Variants in FMN2 observed in about 807,000 individuals in gnomAD.
FMN2 encodes formin 2, also known as formin-2.
Under a neutral mutation model 142.3 loss-of-function variants are expected in FMN2, and 51 were observed. The ratio of observed to expected loss-of-function variants is 0.36; its 90% CI spans 0.29 to 0.45. The LOEUF (loss-of-function observed/expected upper bound fraction) is 0.45, where lower values mean the gene tolerates loss of function less well. Ranked by LOEUF, FMN2 falls within the 20% of genes least tolerant of loss-of-function variation. The probability of loss-of-function intolerance (pLI) is 1.00; values close to 1 mark genes in which losing one functional copy is unlikely to be tolerated. For synonymous variants in FMN2, 882 were observed against 869.8 expected, an observed-to-expected ratio of 1.01 and a Z score of -0.25; for missense variants, 1,936 against 2,122.8, an observed-to-expected ratio of 0.91 and a Z score of 1.73.
chr1:240,200,837 A>G (rs1666095757), intron 4 of FMN2, among the ~76,000 whole-genome samples: 1 of 152,180 alleles, frequency 6.6e-6, no homozygotes, highest in African/African-American at 2.4e-5. Flanking sequence ...ATCTGTACAA[A>G]AAAGTTCTGT....
intron 6 of FMN2, among the ~76,000 whole-genome samples, chr1:240,220,775 G>A (rs1213045035): frequency 6.6e-6 from 1 of 151,884 alleles, no homozygotes; most frequent in Non-Finnish European, 1.5e-5. Flanking sequence ...ATGCAGGTTT[G>A]TTACATAGGT....
chr1:240,307,184 A>G (rs1038325595), intron 8 of FMN2, among the ~76,000 whole-genome samples: 2 of 152,046 alleles, frequency 1.3e-5, no homozygotes, highest in Non-Finnish European at 2.9e-5. Flanking sequence ...ATTTTCTCCC[A>G]TTCTGTTGGT....
At chr1:240,120,875 A>C (rs563529507) in intron 1 of FMN2, among the ~76,000 whole-genome samples, 138 of 152,336 alleles carry the variant, frequency 9.1e-4, no homozygotes, top group South Asian at 1.5e-3. Flanking sequence ...TTAAAGAGCT[A>C]GGCCAGGCAC....
chr1:240,423,792 C>T (rs541383199), intron 15 of FMN2, among the ~76,000 whole-genome samples: 1 of 152,338 alleles, frequency 6.6e-6, no homozygotes, highest in African/African-American at 2.4e-5. Context: ...CATGTCTACC[C>T]TTCAACATAA....
At chr1:240,319,820 A>G (rs990632326) in intron 8 of FMN2, among the ~76,000 whole-genome samples, 5 of 152,154 alleles carry the variant, frequency 3.3e-5, no homozygotes, top group Non-Finnish European at 7.3e-5. Context: ...GTTGCTTAGC[A>G]CCATTCATAA....
intron 7 of FMN2, among the ~76,000 whole-genome samples, chr1:240,282,938 C>A (rs1010081649): frequency 1.3e-5 from 2 of 152,164 alleles, no homozygotes; most frequent in African/African-American, 4.8e-5. Context: ...TTTAATGTAA[C>A]TGCCCAGGTG....
chr1:240,270,306 T>C (rs965602282), intron 7 of FMN2, among the ~76,000 whole-genome samples: 1 of 152,128 alleles, frequency 6.6e-6, no homozygotes, highest in Non-Finnish European at 1.5e-5. Context: ...TAAGTTAATA[T>C]AGCCATTGTG....
At chr1:240,309,898 G>A (rs1022872905) in intron 8 of FMN2, among the ~76,000 whole-genome samples, 2 of 152,114 alleles carry the variant, frequency 1.3e-5, no homozygotes, top group African/African-American at 2.4e-5. Flanking sequence ...GTGTGTTTGT[G>A]ACTTAATATG....
At chr1:240,173,047 C>T (rs1317047524) in intron 2 of FMN2, among the ~76,000 whole-genome samples, 4 of 151,974 alleles carry the variant, frequency 2.6e-5, no homozygotes, top group African/African-American at 7.2e-5. Flanking sequence ...ACAATTCTCC[C>T]GCCTCAGCTT....
intron 8 of FMN2, among the ~76,000 whole-genome samples, chr1:240,324,100 C>G (rs979850370): frequency 3.3e-5 from 5 of 152,106 alleles, no homozygotes; most frequent in African/African-American, 7.2e-5. Flanking sequence ...TCCCCCTTAC[C>G]ATAATAGTGA....
intron 5 of FMN2, among the ~76,000 whole-genome samples, chr1:240,209,908 A>ATAAG (rs551536697): frequency 2.0e-5 from 3 of 152,020 alleles, no homozygotes; most frequent in African/African-American, 7.2e-5. Context: ...CGTCTCAAAA[A>ATAAG]TAAGTAAGTA....
At chr1:240,177,454 G>C (rs1460788122) in intron 2 of FMN2, among the ~76,000 whole-genome samples, 1 of 151,462 alleles carries the variant, frequency 6.6e-6, no homozygotes, top group African/African-American at 2.4e-5. Flanking sequence ...CGGTTTCCTG[G>C]GCCTTTTGTG....
chr1:240,288,224 G>A (rs1669655556), intron 7 of FMN2, among the ~76,000 whole-genome samples: 1 of 152,130 alleles, frequency 6.6e-6, no homozygotes, highest in Non-Finnish European at 1.5e-5. Flanking sequence ...ATGGAGGGAA[G>A]GGTCTGTCCA....
intron 7 of FMN2, among the ~76,000 whole-genome samples, chr1:240,270,681 T>C (rs1668972220): frequency 6.6e-6 from 1 of 152,118 alleles, no homozygotes; most frequent in Non-Finnish European, 1.5e-5. Flanking sequence ...AATTCTGTCA[T>C]TTGTAACAAC....
intron 2 of FMN2, chr1:240,144,408 C>T (rs1663343360): frequency 1.2e-6 from 2 of 1,605,444 alleles, no homozygotes; most frequent in Non-Finnish European, 1.7e-6. Flanking sequence ...TTGAGCTGTA[C>T]ATTGGACATG....
chr1:240,333,859 T>C, intron 11 of FMN2, 28 bp from the exon 12 acceptor site: 1 of 1,554,326 alleles, frequency 6.4e-7, no homozygotes, highest in Non-Finnish European at 8.7e-7. Flanking sequence ...AAAAATATAT[T>C]GTCACTGACT....
At chr1:240,415,141 G>T (rs1230943108) in intron 15 of FMN2, among the ~76,000 whole-genome samples, 2 of 152,114 alleles carry the variant, frequency 1.3e-5, no homozygotes, top group Non-Finnish European at 2.9e-5. Context: ...CAACCCAAAT[G>T]CCCATCAATG....
At chr1:240,109,675 C>T (rs1001994557) in intron 1 of FMN2, among the ~76,000 whole-genome samples, 2 of 151,858 alleles carry the variant, frequency 1.3e-5, no homozygotes, top group African/African-American at 4.8e-5. Context: ...TTGATGCATT[C>T]GTATTACTTG....
At chr1:240,185,541 G>A (rs1665407173) in intron 3 of FMN2, among the ~76,000 whole-genome samples, 1 of 152,220 alleles carries the variant, frequency 6.6e-6, no homozygotes, top group Admixed American at 6.5e-5. Flanking sequence ...GTGTAGGTGT[G>A]CAGAATATTT....
Sources: allele counts gnomAD v4.1 joint callset (sites outside exome capture counted in the v4.1 genomes callset), GRCh38; gene constraint gnomAD v4.1.1; transcripts MANE v1.5; gene names NCBI Gene and HGNC (gene_info 2026-07-23, HGNC 2026-07-21).